GABBR2: variants seen among roughly 807,000 people sequenced by gnomAD.
GABBR2 encodes the protein G-protein coupled receptor 51.
Under a neutral mutation model 105.6 loss-of-function variants are expected in GABBR2, and 23 were observed. The observed-to-expected ratio is 0.22, with a 90% CI of 0.16 to 0.31. The LOEUF (loss-of-function observed/expected upper bound fraction) is 0.31, where lower values mean the gene tolerates loss of function less well. Among genes scored for constraint, GABBR2 ranks in the 10% least tolerant of loss-of-function variants. GABBR2 has a pLI of 1.00. For synonymous variants in GABBR2, 478 were observed against 499.7 expected, an observed-to-expected ratio of 0.96 and a Z score of 0.58; for missense variants, 734 against 1,245.5, an observed-to-expected ratio of 0.59 and a Z score of 6.18.
At chr9:98,598,620 G>A (rs769525541) in intron 1 of GABBR2, among the ~76,000 whole-genome samples, 10 of 122,652 alleles carry the variant, frequency 8.2e-5, no homozygotes, top group Non-Finnish European at 1.5e-4. Context: ...ACCAGTGTCT[G>A]TACGACAGAT....
Position 98,471,354 on chromosome 9 carries a change from G to T in GABBR2, c.999+1792C>A, listed in dbSNP as rs1187916303. On this transcript the variant is annotated intron_variant, in intron 6 of 18. Coordinates refer to ENST00000259455, the MANE Select transcript of GABBR2 (RefSeq NM_005458.8). ...GGTGAACAGTCCCAAGGTGTCCCAT[G>T]CATGAGACAGTGATGGGCAAGAGGT... Among the ~76,000 whole-genome samples the T allele has an allele frequency of 1.8e-4, 28 of 152,164 alleles. 1 individual carries two copies. Among genetic ancestry groups the T allele is most frequent in the Admixed American group, 1.8e-3 (27 of 15,286 alleles).
intron 11 of GABBR2, among the ~76,000 whole-genome samples, chr9:98,382,659 T>C (rs1014392043): frequency 2.0e-5 from 3 of 152,070 alleles, no homozygotes; most frequent in Admixed American, 2.0e-4. Flanking sequence ...GTCCTAAAAC[T>C]TGGGGAGGAA....
At chr9:98,704,984 A>AT (rs1830875908) in intron 1 of GABBR2, among the ~76,000 whole-genome samples, 2 of 151,600 alleles carry the variant, frequency 1.3e-5, no homozygotes, top group African/African-American at 2.4e-5. Context: ...TGTCTCTCAG[A>AT]TTTTTTAGAT....
chr9:98,607,384 A>C, intron 1 of GABBR2: 1 of 680,446 alleles, frequency 1.5e-6, no homozygotes, highest in Non-Finnish European at 2.7e-6. Context: ...TTTGCATGAA[A>C]CAGTATCATC....
At chr9:98,386,582 C>G (rs1236833063) in intron 10 of GABBR2, among the ~76,000 whole-genome samples, 1 of 152,122 alleles carries the variant, frequency 6.6e-6, no homozygotes, top group Non-Finnish European at 1.5e-5. Context: ...CTCCCGGAAC[C>G]CTGTGGTGGC....
At chr9:98,357,682 A>AAC (rs200942947) in intron 13 of GABBR2, among the ~76,000 whole-genome samples, 7 of 48,878 alleles carry the variant, frequency 1.4e-4, no homozygotes, top group African/African-American at 4.4e-4. Context: ...AAACAACAAC[A>AAC]AAAAAAAAAA....
intron 1 of GABBR2, among the ~76,000 whole-genome samples, chr9:98,633,491 G>A (rs1829839556): frequency 6.6e-6 from 1 of 151,934 alleles, no homozygotes; most frequent in Non-Finnish European, 1.5e-5. Context: ...TGGGCATGGT[G>A]GCGTGCACCT....
At chr9:98,565,735 G>A (rs1828742638) in intron 2 of GABBR2, among the ~76,000 whole-genome samples, 1 of 152,200 alleles carries the variant, frequency 6.6e-6, no homozygotes, top group African/African-American at 2.4e-5. Flanking sequence ...AGGAACCGAG[G>A]CTGGAAGAGG....
At chr9:98,433,549 C>G (rs80204724) in intron 7 of GABBR2, among the ~76,000 whole-genome samples, 1,889 of 152,208 alleles carry the variant, frequency 0.012, 29 homozygotes, top group Middle Eastern at 0.024. Flanking sequence ...TCTACATATT[C>G]AAGATTAAGT....
chr9:98,516,682 T>A (rs1455844221), intron 3 of GABBR2, among the ~76,000 whole-genome samples: 1 of 152,058 alleles, frequency 6.6e-6, no homozygotes, highest in Admixed American at 6.5e-5. Flanking sequence ...GGTGGCACCA[T>A]CTTTGGTGAT....
chr9:98,458,933 C>T (rs1200612550), intron 6 of GABBR2, among the ~76,000 whole-genome samples: 2 of 152,204 alleles, frequency 1.3e-5, no homozygotes, highest in Non-Finnish European at 2.9e-5. Context: ...TCTTCTTATA[C>T]TCCTCCAGTA....
intron 13 of GABBR2, among the ~76,000 whole-genome samples, chr9:98,349,374 T>C (rs1831357253): frequency 7.6e-6 from 1 of 132,298 alleles, no homozygotes; most frequent in Non-Finnish European, 1.6e-5. Flanking sequence ...TTTTTTTTTT[T>C]TTTTTCGGGA....
At chr9:98,664,841 T>C (rs1181107424) in intron 1 of GABBR2, among the ~76,000 whole-genome samples, 1 of 152,162 alleles carries the variant, frequency 6.6e-6, no homozygotes, top group East Asian at 1.9e-4. Flanking sequence ...GAACTAATTA[T>C]TGGGCCAGGT....
At chr9:98,505,071 GCCCAAT>G (rs1827479738) in intron 3 of GABBR2, among the ~76,000 whole-genome samples, 1 of 152,218 alleles carries the variant, frequency 6.6e-6, no homozygotes, top group Non-Finnish European at 1.5e-5. Flanking sequence ...TTAGATTTTG[GCCCAAT>G]GCCAAAAAAC....
At chr9:98,601,724 C>G (rs142316290) in intron 1 of GABBR2, among the ~76,000 whole-genome samples, 1 of 152,126 alleles carries the variant, frequency 6.6e-6, no homozygotes, top group Non-Finnish European at 1.5e-5. Flanking sequence ...GCACCATGGT[C>G]TCTTGAAGCT....
chr9:98,315,417 G>A (rs1830698053), intron 13 of GABBR2, among the ~76,000 whole-genome samples: 1 of 152,228 alleles, frequency 6.6e-6, no homozygotes, highest in African/African-American at 2.4e-5. Flanking sequence ...AGGTTACGGT[G>A]GCAGGGGTTG....
At chr9:98,417,683 A>G (rs890076507) in intron 7 of GABBR2, among the ~76,000 whole-genome samples, 3 of 152,156 alleles carry the variant, frequency 2.0e-5, no homozygotes, top group African/African-American at 7.2e-5. Flanking sequence ...AATGAAAAAG[A>G]CAAAATCGTT....
intron 7 of GABBR2, among the ~76,000 whole-genome samples, chr9:98,417,379 G>C (rs1832707783): frequency 1.3e-5 from 2 of 152,254 alleles, no homozygotes; most frequent in South Asian, 2.1e-4. Context: ...CAGGTTGGGA[G>C]ATCAAGATGC....
rs184053617 is a variant in GABBR2 at position 98,370,696 on chromosome 9, T to G, written c.1770+768A>C. 6.3e-4 allele frequency among the ~76,000 whole-genome samples: 96 copies of G among 152,310 alleles called. 1 individual carries two copies. The East Asian group carries it at 0.016, about 25-fold the overall frequency. ...TATAATAGTTACTAACCAGAGGACC[T>G]TCAAGATCACAAGACTTTCACAAAT... On this transcript the variant is annotated intron_variant, in intron 12 of 18. Coordinates refer to ENST00000259455, the MANE Select transcript of GABBR2 (RefSeq NM_005458.8).
Sources: gnomAD v4.1 joint callset for allele counts (sites outside exome capture counted in the v4.1 genomes callset) on GRCh38, gnomAD v4.1.1 for gene constraint, MANE v1.5 for transcripts, NCBI Gene and HGNC (gene_info 2026-07-23, HGNC 2026-07-21) for gene names.